The following SUGCT variants were observed in gnomAD, a reference collection of about 807,000 sequenced individuals.
The protein encoded by SUGCT is succinyl-CoA:glutarate-CoA transferase, also known as succinyl-CoA:glutarate CoA-transferase.
SUGCT carries 41 observed loss-of-function variants against 55.0 expected under a neutral mutation model. The observed-to-expected ratio is 0.74, with a 90% CI of 0.58 to 0.97. SUGCT has a LOEUF of 0.97. SUGCT is among the 50% of genes least tolerant of loss of function. The pLI is 0.00. For synonymous variants in SUGCT, 187 were observed against 200.4 expected (o/e 0.93, Z 0.56); for missense variants, 568 against 547.8 (o/e 1.04, Z -0.37).
At chr7:40,764,955 G>A (rs978792911) in intron 13 of SUGCT, among the ~76,000 whole-genome samples, 2 of 152,100 alleles carry the variant, frequency 1.3e-5, no homozygotes, top group African/African-American at 4.8e-5. Context: ...GGTTCTTTGT[G>A]CTTATGGTAT....
At chr7:40,715,311 T>A (rs902033894) in intron 12 of SUGCT, among the ~76,000 whole-genome samples, 1 of 152,102 alleles carries the variant, frequency 6.6e-6, no homozygotes, top group Non-Finnish European at 1.5e-5. Flanking sequence ...TGCTGTGACC[T>A]CATCTATACA....
chr7:40,810,486 T>C (rs995983302), intron 13 of SUGCT, among the ~76,000 whole-genome samples: 4 of 152,146 alleles, frequency 2.6e-5, no homozygotes, highest in South Asian at 2.1e-4. Context: ...TATCTTATTG[T>C]GGTTTTGATT....
chr7:40,341,154 A>C (rs1344471537), intron 9 of SUGCT, among the ~76,000 whole-genome samples: 1 of 152,206 alleles, frequency 6.6e-6, no homozygotes, highest in African/African-American at 2.4e-5. Context: ...AGACCCTACA[A>C]TCTATTGACT....
the SUGCT span, among the ~76,000 whole-genome samples, chr7:40,935,698 T>C: frequency 6.6e-6 from 1 of 152,192 alleles, no homozygotes; most frequent in Non-Finnish European, 1.5e-5. Flanking sequence ...ATAATACTGC[T>C]ATTTGCAGTC....
Position 40,200,271 on chromosome 7 carries a change from C to G in SUGCT, c.484+5211C>G, listed in dbSNP as rs1181082999. Reference sequence around the variant, plus strand: ...ACATTGTCCTTGCATTTTTAAGGAGCTGACAGCCTAGGTCAGAGACATTCT... The same window carrying G: ...ACATTGTCCTTGCATTTTTAAGGAGGTGACAGCCTAGGTCAGAGACATTCT... On this transcript the variant is annotated intron_variant, in intron 6 of 13. Coordinates refer to ENST00000335693, the MANE Select transcript of SUGCT (RefSeq NM_001193313.2). 4.6e-5 allele frequency among the ~76,000 whole-genome samples: 7 copies of G among 152,100 alleles called. 1 individual carries two copies. Among genetic ancestry groups the G allele is most frequent in the Non-Finnish European group, 1.0e-4 (7 of 68,032 alleles).
At chr7:40,854,052 A>G (rs1487928237) in intron 13 of SUGCT, among the ~76,000 whole-genome samples, 1 of 152,220 alleles carries the variant, frequency 6.6e-6, no homozygotes, top group Non-Finnish European at 1.5e-5. Context: ...CTTAGCATCA[A>G]GGTCAAATGA....
chr7:40,773,829 A>G (rs1789312300), intron 13 of SUGCT, among the ~76,000 whole-genome samples: 1 of 152,218 alleles, frequency 6.6e-6, no homozygotes. Context: ...AGTCATAAAG[A>G]TTCACATGCC....
chr7:40,926,679 G>A, the SUGCT span, among the ~76,000 whole-genome samples: 3 of 152,266 alleles, frequency 2.0e-5, no homozygotes, highest in African/African-American at 7.2e-5. Context: ...TCTCTACCAT[G>A]TGAACAAACA....
At chr7:40,512,427 A>C (rs1792978499) in intron 12 of SUGCT, among the ~76,000 whole-genome samples, 2 of 152,200 alleles carry the variant, frequency 1.3e-5, no homozygotes. Flanking sequence ...AGAACCACAG[A>C]ATACTTTAGA....
intron 13 of SUGCT, among the ~76,000 whole-genome samples, chr7:40,838,947 T>G (rs1224577112): frequency 6.6e-6 from 1 of 151,100 alleles, no homozygotes; most frequent in Non-Finnish European, 1.5e-5. Flanking sequence ...GGTGAGAGTT[T>G]TTTTTTTTTT....
chr7:40,214,091 C>T (rs1787491431), intron 6 of SUGCT, among the ~76,000 whole-genome samples: 1 of 152,168 alleles, frequency 6.6e-6, no homozygotes, highest in Admixed American at 6.6e-5. Flanking sequence ...GTTTGAACCA[C>T]ACTATTATCA....
At chr7:40,330,705 T>C (rs1796264044) in intron 9 of SUGCT, among the ~76,000 whole-genome samples, 1 of 152,016 alleles carries the variant, frequency 6.6e-6, no homozygotes, top group South Asian at 2.1e-4. Flanking sequence ...ATTTACTTTA[T>C]ATCACTAAAT....
At chr7:40,915,792 T>C in the SUGCT span, among the ~76,000 whole-genome samples, 1 of 152,236 alleles carries the variant, frequency 6.6e-6, no homozygotes, top group Non-Finnish European at 1.5e-5. Context: ...CCAGACAATG[T>C]AGAAATACAT....
chr7:40,537,555 C>G (rs1424672019), intron 12 of SUGCT, among the ~76,000 whole-genome samples: 4 of 152,068 alleles, frequency 2.6e-5, no homozygotes, highest in Non-Finnish European at 5.9e-5. Context: ...CAGATGTAGG[C>G]AAAGTCACAT....
chr7:40,961,439 G>A, the SUGCT span, among the ~76,000 whole-genome samples: 1 of 152,142 alleles, frequency 6.6e-6, no homozygotes, highest in Non-Finnish European at 1.5e-5. Context: ...CTTCTCTTTT[G>A]TGATCAATCA....
At chr7:40,374,330 A>G (rs143164656) in intron 9 of SUGCT, among the ~76,000 whole-genome samples, 1 of 152,086 alleles carries the variant, frequency 6.6e-6, no homozygotes, top group Non-Finnish European at 1.5e-5. Context: ...AGGTGGTGTC[A>G]TCCTCATTTT....
At chr7:40,485,417 CTTTTTTT>C (rs397889166) in intron 11 of SUGCT, among the ~76,000 whole-genome samples, 8 of 74,448 alleles carry the variant, frequency 1.1e-4, no homozygotes, top group African/African-American at 3.1e-4. Context: ...TATATACATT[CTTTTTTT>C]TTTTTTTTTT....
chr7:40,194,567 A>G (rs1016900129), intron 5 of SUGCT, among the ~76,000 whole-genome samples: 3 of 152,156 alleles, frequency 2.0e-5, no homozygotes, highest in African/African-American at 7.2e-5. Flanking sequence ...CACCTGGCCT[A>G]TTTAGTTTTC....
In SUGCT at chr7:40,376,655, G is replaced by A. The variant is rs1583548195; in HGVS notation, c.816+59800G>A. ...GATCCACCTGCCTCGGCCTCCCAAAGTGCTGGGATTACAGGCGTGAGCTAC... is the reference window on the plus strand; with the variant it reads ...GATCCACCTGCCTCGGCCTCCCAAAATGCTGGGATTACAGGCGTGAGCTAC... On this transcript the variant is annotated intron_variant, in intron 9 of 13. Coordinates refer to ENST00000335693, the MANE Select transcript of SUGCT (RefSeq NM_001193313.2). 2.6e-5 allele frequency among the ~76,000 whole-genome samples: 4 copies of A among 151,960 alleles called. No individual in the cohort carries two copies. The South Asian group carries it at 8.3e-4, about 32-fold the overall frequency.
Sources: gnomAD v4.1 joint callset for allele counts (sites outside exome capture counted in the v4.1 genomes callset) on GRCh38, gnomAD v4.1.1 for gene constraint, MANE v1.5 for transcripts, NCBI Gene and HGNC (gene_info 2026-07-23, HGNC 2026-07-21) for gene names.